ZC3H11A: variants seen among roughly 807,000 people sequenced by gnomAD.
ZC3H11A encodes zinc finger CCCH domain-containing protein 11A.
ZC3H11A carries 22 observed loss-of-function variants against 90.8 expected under a neutral mutation model. The observed-to-expected ratio is 0.24, with a 90% CI of 0.17 to 0.35. The LOEUF is 0.35. Ranked by LOEUF, ZC3H11A falls within the 10% of genes least tolerant of loss-of-function variation. The probability of loss-of-function intolerance (pLI) is 1.00; values close to 1 mark genes in which losing one functional copy is unlikely to be tolerated. For synonymous variants in ZC3H11A, 294 were observed against 339.8 expected (o/e 0.87, Z 1.48); for missense variants, 701 against 964.9 (o/e 0.73, Z 3.62).
At chr1:203,833,070 C>T (rs1682925610) in intron 9 of ZC3H11A, among the ~76,000 whole-genome samples, 3 of 151,568 alleles carry the variant, frequency 2.0e-5, no homozygotes, top group Admixed American at 1.3e-4. Context: ...CCTGTCTCTA[C>T]TAAAAATACA....
chr1:203,798,661 A>G (rs1669489659), intron 1 of ZC3H11A: 3 of 1,536,132 alleles, frequency 2.0e-6, no homozygotes, highest in East Asian at 2.4e-5. Context: ...AACAGATCTG[A>G]AAGTCCTATT....
intron 4 of ZC3H11A, among the ~76,000 whole-genome samples, chr1:203,822,037 G>A (rs898160884): frequency 2.6e-5 from 4 of 152,074 alleles, no homozygotes; most frequent in African/African-American, 7.2e-5. Context: ...GATTACAGGT[G>A]TGAGCCACCG....
intron 17 of ZC3H11A, 70 bp downstream of exon 17, chr1:203,851,194 C>T: frequency 7.4e-7 from 1 of 1,352,364 alleles, no homozygotes; most frequent in Admixed American, 2.0e-5. Flanking sequence ...TAGAGAATAA[C>T]ACTGATAAAT....
chr1:203,816,465 AT>A (rs1421016292), intron 2 of ZC3H11A, among the ~76,000 whole-genome samples: 1 of 151,892 alleles, frequency 6.6e-6, no homozygotes, highest in Admixed American at 6.6e-5. Context: ...CTTTACAAAA[AT>A]TTTTTTTAAA....
intron 2 of ZC3H11A, among the ~76,000 whole-genome samples, chr1:203,807,422 A>G (rs1224075120): frequency 6.6e-6 from 1 of 152,024 alleles, no homozygotes; most frequent in Non-Finnish European, 1.5e-5. Context: ...AGTAGCTGGG[A>G]TTACAAATGT....
chr1:203,808,423 A>T (rs1673109913), intron 2 of ZC3H11A, among the ~76,000 whole-genome samples: 1 of 152,186 alleles, frequency 6.6e-6, no homozygotes. Flanking sequence ...TATAGCAGAG[A>T]TGTCTTTAAA....
At chr1:203,805,930 T>C in intron 2 of ZC3H11A, 1 of 657,180 alleles carries the variant, frequency 1.5e-6, no homozygotes, top group East Asian at 3.6e-5. Context: ...CTTCATTTCC[T>C]TTGCTCCCAG....
At chr1:203,837,834 C>A (rs1321131779) in intron 10 of ZC3H11A, 132 bp from the exon 11 acceptor site, 2 of 795,796 alleles carry the variant, frequency 2.5e-6, no homozygotes, top group East Asian at 2.7e-5. Flanking sequence ...TCTAAGGAAG[C>A]TGGTGAACAA....
chr1:203,844,846 T>C (rs943660923), intron 12 of ZC3H11A, among the ~76,000 whole-genome samples: 2 of 152,082 alleles, frequency 1.3e-5, no homozygotes, highest in African/African-American at 2.4e-5. Flanking sequence ...CTCCCCTTTT[T>C]CTGCTTGGTA....
intron 9 of ZC3H11A, among the ~76,000 whole-genome samples, chr1:203,833,079 C>T (rs572264175): frequency 1.3e-5 from 2 of 151,648 alleles, no homozygotes; most frequent in Non-Finnish European, 2.9e-5. Context: ...ACTAAAAATA[C>T]AAAAATTAGG....
chr1:203,815,077 G>C lies in ZC3H11A; in HGVS notation c.-145-1849G>C, dbSNP rs190086145. On this transcript the variant is annotated intron_variant, in intron 2 of 17. Coordinates refer to ENST00000367210, the MANE Select transcript of ZC3H11A (RefSeq NM_001376342.1). ...ACTCCTGACCTCAAGTGATCCACCAGCTTCCACCTCCCAAAGTGCTGGGAT... is the reference window on the plus strand; with the variant it reads ...ACTCCTGACCTCAAGTGATCCACCACCTTCCACCTCCCAAAGTGCTGGGAT... The C allele has an allele frequency of 2.0e-5, 3 of 151,804 alleles. 1 individual carries two copies. Among genetic ancestry groups the C allele is most frequent in the African/African-American group, 4.8e-5 (2 of 41,360 alleles). 9.4% of individuals were successfully genotyped at this position (151,804 alleles called of 1,614,324 possible).
chr1:203,845,529 A>G (rs1687647108), intron 12 of ZC3H11A, among the ~76,000 whole-genome samples: 1 of 152,200 alleles, frequency 6.6e-6, no homozygotes, highest in South Asian at 2.1e-4. Context: ...TTTGATCAGA[A>G]AAACTAAATT....
intron 9 of ZC3H11A, among the ~76,000 whole-genome samples, chr1:203,832,339 G>C (rs1292717436): frequency 6.6e-6 from 1 of 152,002 alleles, no homozygotes; most frequent in East Asian, 1.9e-4. Context: ...GGGATTACAG[G>C]TGTGAGCCAC....
intron 1 of ZC3H11A, chr1:203,798,456 G>A (rs1424536158): frequency 7.2e-6 from 11 of 1,535,964 alleles, no homozygotes; most frequent in Non-Finnish European, 8.7e-6. Context: ...ACACCTGCAA[G>A]CCACACATCC....
chr1:203,845,809 A>T (rs1284118690), intron 12 of ZC3H11A, among the ~76,000 whole-genome samples: 1 of 152,130 alleles, frequency 6.6e-6, no homozygotes, highest in African/African-American at 2.4e-5. Context: ...GGTTGCGGTG[A>T]GTCAAGATGA....
chr1:203,813,375 T>C (rs890963792), intron 2 of ZC3H11A, among the ~76,000 whole-genome samples: 10 of 152,276 alleles, frequency 6.6e-5, no homozygotes. Flanking sequence ...CCTGGCTAAA[T>C]TTTAATGGTT....
intron 2 of ZC3H11A, among the ~76,000 whole-genome samples, chr1:203,807,405 C>G (rs1327287123): frequency 3.9e-5 from 6 of 152,140 alleles, no homozygotes; most frequent in African/African-American, 1.4e-4. Flanking sequence ...CCAGCGTCAG[C>G]CCCCTGAGTA....
intron 5 of ZC3H11A, among the ~76,000 whole-genome samples, chr1:203,828,755 T>C (rs1218439429): frequency 6.6e-6 from 1 of 152,230 alleles, no homozygotes; most frequent in African/African-American, 2.4e-5. Context: ...ATAAGTTTTA[T>C]TGGAATATAG....
intron 4 of ZC3H11A, among the ~76,000 whole-genome samples, chr1:203,824,594 C>G (rs920534463): frequency 6.6e-6 from 1 of 152,140 alleles, no homozygotes; most frequent in Middle Eastern, 3.2e-3. Context: ...CAAATTGAGT[C>G]ACATTTCCAG....
Sources: gnomAD v4.1 joint callset for allele counts (sites outside exome capture counted in the v4.1 genomes callset) on GRCh38, gnomAD v4.1.1 for gene constraint, MANE v1.5 for transcripts, NCBI Gene and HGNC (gene_info 2026-07-23, HGNC 2026-07-21) for gene names.